Variants in GRK7 observed in about 807,000 individuals in gnomAD.
The protein encoded by GRK7 is G protein-coupled receptor kinase 7.
GRK7 carries 24 observed loss-of-function variants against 34.1 expected under a neutral mutation model. The ratio of observed to expected loss-of-function variants is 0.70; its 90% confidence interval spans 0.51 to 0.99. The LOEUF is 0.99. GRK7 is among the 50% of genes least tolerant of loss of function. The pLI is 0.00. For synonymous variants in GRK7, 256 were observed against 279.4 expected (o/e 0.92, Z 0.84); for missense variants, 644 against 707.3 (o/e 0.91, Z 1.02).
In GRK7 at chr3:141,763,519, A is replaced by G. The variant is rs1375319021; in HGVS notation, c.-2434A>G. 6.6e-6 allele frequency among the ~76,000 whole-genome samples: 1 copy of G among 152,160 alleles called. No homozygotes were observed. The highest frequency in any genetic ancestry group is 1.5e-5 in the Non-Finnish European group (1 of 68,018). On this transcript the variant is annotated 5_prime_UTR_variant, in exon 1 of 6. Transcript: ENST00000682958. ...TTCACAGACGAGGAACCAGGGCCCC[A>G]GTGCTGTGCCTAAGACCTCCTTCAA...
At chr3:141,770,205 G>A (rs148501653) in intron 1 of GRK7, among the ~76,000 whole-genome samples, 2 of 152,264 alleles carry the variant, frequency 1.3e-5, no homozygotes, top group East Asian at 1.9e-4. Context: ...TCTAGAGGTA[G>A]GTATCAAATC....
chr3:141,811,947 C>T (rs566461120), intron 5 of GRK7, among the ~76,000 whole-genome samples: 76 of 152,296 alleles, frequency 5.0e-4, no homozygotes, highest in Non-Finnish European at 8.1e-4. Context: ...GGATCAACTA[C>T]AGGGTCTTCC....
chr3:141,767,544 G>T (rs576702999), intron 1 of GRK7, among the ~76,000 whole-genome samples: 1 of 152,150 alleles, frequency 6.6e-6, no homozygotes, highest in East Asian at 1.9e-4. Flanking sequence ...GGGACTATAG[G>T]CATGTGCCAC....
intron 1 of GRK7, among the ~76,000 whole-genome samples, chr3:141,771,771 G>C (rs2107872958): frequency 6.6e-6 from 1 of 152,064 alleles, no homozygotes; most frequent in African/African-American, 2.4e-5. Flanking sequence ...TGTAACCTCT[G>C]CCTCCTGGGT....
chr3:141,802,212 G>T (rs1340379286), intron 4 of GRK7, among the ~76,000 whole-genome samples: 2 of 152,106 alleles, frequency 1.3e-5, no homozygotes, highest in Non-Finnish European at 2.9e-5. Flanking sequence ...AATTAACCAG[G>T]CATGGTGGCA....
At chr3:141,787,234 T>C (rs1408870868) in intron 4 of GRK7, among the ~76,000 whole-genome samples, 1 of 152,212 alleles carries the variant, frequency 6.6e-6, no homozygotes, top group Non-Finnish European at 1.5e-5. Flanking sequence ...TTTAAGTTAC[T>C]AAGTTTGTGG....
At chr3:141,787,300 C>G (rs1215362182) in intron 4 of GRK7, among the ~76,000 whole-genome samples, 1 of 152,016 alleles carries the variant, frequency 6.6e-6, no homozygotes, top group African/African-American at 2.4e-5. Context: ...AGGAAGGTAG[C>G]CAGAGAAATA....
At chr3:141,799,074 A>G (rs908524303) in intron 4 of GRK7, among the ~76,000 whole-genome samples, 1 of 150,132 alleles carries the variant, frequency 6.7e-6, no homozygotes, top group Non-Finnish European at 1.5e-5. Flanking sequence ...ATCTCCCAGA[A>G]CCCTCTGCTG....
chr3:141,807,377 C>T (rs542062055), intron 4 of GRK7, among the ~76,000 whole-genome samples: 73 of 152,300 alleles, frequency 4.8e-4, no homozygotes, highest in Non-Finnish European at 8.4e-4. Flanking sequence ...GGAGCAGCTA[C>T]GGCTTCCCTT....
chr3:141,751,667 A>C, the GRK7 span, among the ~76,000 whole-genome samples: 56,056 of 152,174 alleles, frequency 0.37, 13,363 homozygotes, highest in African/African-American at 0.68. Context: ...ATAATCATTT[A>C]TTTATGTGTA....
chr3:141,766,145 A>G (rs62283081), intron 1 of GRK7, among the ~76,000 whole-genome samples: 3 of 40,260 alleles, frequency 7.5e-5, no homozygotes, highest in African/African-American at 2.1e-4. Context: ...GACATTTAAC[A>G]TTTACACGCT....
intron 4 of GRK7, among the ~76,000 whole-genome samples, chr3:141,789,844 G>A (rs980619869): frequency 6.6e-6 from 1 of 152,008 alleles, no homozygotes; most frequent in African/African-American, 2.4e-5. Flanking sequence ...TTCTGAGTTA[G>A]GTACTGTTCT....
intron 1 of GRK7, among the ~76,000 whole-genome samples, chr3:141,768,605 A>G (rs2084601190): frequency 6.6e-6 from 1 of 152,082 alleles, no homozygotes; most frequent in South Asian, 2.1e-4. Flanking sequence ...CAAGCACAAG[A>G]CACTACCATT....
chr3:141,791,302 T>C (rs191488469), intron 4 of GRK7, among the ~76,000 whole-genome samples: 55 of 152,312 alleles, frequency 3.6e-4, no homozygotes, highest in African/African-American at 1.2e-3. Flanking sequence ...CCTCTGAACA[T>C]GTTTTCTTGG....
chr3:141,776,959 G>T (rs1006791131), intron 2 of GRK7, among the ~76,000 whole-genome samples: 3 of 152,180 alleles, frequency 2.0e-5, no homozygotes, highest in Non-Finnish European at 2.9e-5. Flanking sequence ...CCTGATCTCT[G>T]TCTAGATCAA....
Position 141,778,575 on chromosome 3 carries a change from G to A in GRK7, c.291G>A (p.Glu97=), listed in dbSNP as rs781657147. The A allele has an allele frequency of 4.3e-6, 7 of 1,613,262 alleles. No homozygotes were observed. Among genetic ancestry groups the A allele is most frequent in the Non-Finnish European group, 5.1e-6 (6 of 1,179,858 alleles). ...ACGTGCAGAACTGGGAGCTGGCCGA[G>A]GAGGGACCCACCAAAGACAGCGCGC... ...LEDVQNWELA[E]EGPTKDSALQ... Residue 97 remains glutamate, a synonymous_variant, in exon 3 of 6, where the codon GAG becomes GAA. Coordinates refer to ENST00000682958, the MANE Select transcript of GRK7 (RefSeq NM_139209.3). This position sits in a 1 kb window ranked among gnomAD's most constrained non-coding sequence, Gnocchi z 4.1.
chr3:141,766,667 C>T (rs912373564), intron 1 of GRK7, among the ~76,000 whole-genome samples: 8 of 152,288 alleles, frequency 5.3e-5, no homozygotes, highest in South Asian at 2.1e-4. Context: ...TTATTATAAC[C>T]GTAACACTTT....
At chr3:141,809,160 C>G (rs921085738) in intron 5 of GRK7, among the ~76,000 whole-genome samples, 1 of 152,092 alleles carries the variant, frequency 6.6e-6, no homozygotes, top group Admixed American at 6.6e-5. Context: ...CGAGATCGCG[C>G]CACTGCACTC....
chr3:141,756,329 T>A, the GRK7 span, among the ~76,000 whole-genome samples: 6 of 148,912 alleles, frequency 4.0e-5, no homozygotes, highest in Non-Finnish European at 8.9e-5. Context: ...AAAAAAAAGG[T>A]GGGGGGGTGA....
Sources: gnomAD v4.1 joint callset for allele counts (sites outside exome capture counted in the v4.1 genomes callset) on GRCh38, gnomAD v4.1.1 for gene constraint, Gnocchi (gnomAD v3.1) non-coding constraint, MANE v1.5 for transcripts, NCBI Gene and HGNC (gene_info 2026-07-23, HGNC 2026-07-21) for gene names.